SNX4: variants seen among roughly 807,000 people sequenced by gnomAD.
SNX4 encodes the protein sorting nexin 4.
Under a neutral mutation model 70.8 loss-of-function variants are expected in SNX4, and 49 were observed. The ratio of observed to expected loss-of-function variants is 0.69; its 90% CI spans 0.55 to 0.88. The LOEUF (loss-of-function observed/expected upper bound fraction) is 0.88, where lower values mean the gene tolerates loss of function less well. SNX4 is among the 40% of genes least tolerant of loss of function. The probability of loss-of-function intolerance (pLI) is 0.00; values close to 1 mark genes in which losing one functional copy is unlikely to be tolerated. For missense variants in SNX4, 528 were observed against 544.8 expected, an observed-to-expected ratio of 0.97 and a Z score of 0.31; for synonymous variants, 206 against 183.8, an observed-to-expected ratio of 1.12 and a Z score of -0.98.
chr3:125,457,457 C>T (rs1055199009), intron 10 of SNX4, 92 bp from the exon 11 acceptor site: 15 of 865,036 alleles, frequency 1.7e-5, no homozygotes, highest in Admixed American at 1.6e-4. Flanking sequence ...CACAATGTCT[C>T]GCTAGGGCAG....
chr3:125,467,695 G>A (rs1934069176), intron 9 of SNX4, among the ~76,000 whole-genome samples: 1 of 152,132 alleles, frequency 6.6e-6, no homozygotes, highest in Non-Finnish European at 1.5e-5. Context: ...TTACAGGCGT[G>A]AGCCACTGCA....
rs377668124 is a variant in SNX4, at chr3:125,480,345, C to A, written c.654-26G>T. ...CTGAAACAGGAAACAAATAAAACAT[C>A]GTTTTTCAAATGAAAACAAGCAGTC... On this transcript the variant is annotated intron_variant, in intron 6 of 13. Coordinates refer to ENST00000251775, the MANE Select transcript of SNX4 (RefSeq NM_003794.4). 5 of 1,423,588 alleles carry A rather than the reference C, an allele frequency of 3.5e-6. No individual in the cohort carries two copies. The South Asian group carries it at 4.5e-5, about 13-fold the overall frequency. 88.2% of individuals were successfully genotyped at this position (1,423,588 alleles called of 1,614,324 possible).
intron 7 of SNX4, among the ~76,000 whole-genome samples, chr3:125,477,404 G>C (rs576839110): frequency 2.6e-5 from 4 of 152,092 alleles, no homozygotes; most frequent in African/African-American, 9.7e-5. Context: ...GTACTGCCTA[G>C]CCATTCACAG....
chr3:125,500,448 A>T (rs1280367423), intron 2 of SNX4, among the ~76,000 whole-genome samples: 3 of 152,164 alleles, frequency 2.0e-5, no homozygotes, highest in African/African-American at 7.2e-5. Flanking sequence ...ATCTTAGCCC[A>T]CTAAACTATA....
intron 1 of SNX4, among the ~76,000 whole-genome samples, chr3:125,508,338 C>A (rs147577896): frequency 6.6e-6 from 1 of 152,068 alleles, no homozygotes; most frequent in Non-Finnish European, 1.5e-5. Flanking sequence ...GAGGCTGGGG[C>A]GGGCGGATCA....
chr3:125,464,508 T>TAGA (rs1273863312), intron 9 of SNX4, among the ~76,000 whole-genome samples: 1 of 151,314 alleles, frequency 6.6e-6, no homozygotes, highest in Non-Finnish European at 1.5e-5. Flanking sequence ...AAATGAGCTA[T>TAGA]AGAAGTGTGA....
chr3:125,511,125 GCTGGT>G (rs1935163938), intron 1 of SNX4, among the ~76,000 whole-genome samples: 1 of 152,090 alleles, frequency 6.6e-6, no homozygotes, highest in Non-Finnish European at 1.5e-5. Context: ...TGTTGGTCAG[GCTGGT>G]CTCGAACTCC....
chr3:125,481,011 TA>T (rs1934398448), intron 6 of SNX4, among the ~76,000 whole-genome samples: 1 of 152,138 alleles, frequency 6.6e-6, no homozygotes, highest in African/African-American at 2.4e-5. Context: ...TCTCATAGAT[TA>T]AAATACACAC....
chr3:125,498,222 A>G (rs771728521), intron 2 of SNX4, 28 bp from the exon 3 acceptor site: 5 of 1,590,410 alleles, frequency 3.1e-6, no homozygotes, highest in East Asian at 2.2e-5. Flanking sequence ...AACACTTGTT[A>G]TTTTTTATAA....
intron 12 of SNX4, among the ~76,000 whole-genome samples, chr3:125,452,001 G>A (rs1435055773): frequency 1.3e-5 from 2 of 152,150 alleles, no homozygotes; most frequent in Non-Finnish European, 2.9e-5. Flanking sequence ...GACTCCTTAA[G>A]CCAGCTCACA....
At position 125,446,698 on chromosome 3, in the gene SNX4, A is replaced by T. The variant is rs1247869757; in HGVS notation, c.*1081T>A. The T allele has an allele frequency of 6.6e-6, 1 of 152,632 alleles. No individual in the cohort carries two copies. The highest frequency in any genetic ancestry group is 1.5e-5 in the Non-Finnish European group (1 of 68,042). 9.5% of individuals were successfully genotyped at this position (152,632 alleles called of 1,614,324 possible). ...ATTGTATAAGTTTGGCAAACAGCAC[A>T]AAAATCCAGCAACATTTAAAACATA... is the stretch of plus-strand genomic sequence containing the variant. On this transcript the variant is annotated 3_prime_UTR_variant, in exon 14 of 14. Transcript: ENST00000251775.
intron 10 of SNX4, among the ~76,000 whole-genome samples, chr3:125,460,124 G>T (rs551586756): frequency 6.0e-5 from 9 of 150,938 alleles, no homozygotes; most frequent in Admixed American, 2.0e-4. Flanking sequence ...AACCCGGGAC[G>T]TGGAGGTTGC....
intron 2 of SNX4, among the ~76,000 whole-genome samples, chr3:125,499,533 T>C (rs1386022960): frequency 3.9e-5 from 6 of 152,104 alleles, no homozygotes; most frequent in East Asian, 3.8e-4. Flanking sequence ...GGCAAAAAAA[T>C]AGAATTATTA....
Position 125,504,658 on chromosome 3 carries a change from C to G in SNX4, c.228G>C (p.Met76Ile), listed in dbSNP as rs150591161. The stretch of plus-strand genomic sequence containing the variant: ...TGAGGTAAGCAGTATATGTTTCTTG[C>G]ATGTTCATGGCATTTCTTCCAGTTC... ...EKRTGRNAMN[M>I]QETYTAYLIE... The change falls in exon 2 of 14, where the codon ATG (methionine) becomes ATC (isoleucine). Residue 76 changes from methionine (M) to isoleucine (I), a missense_variant. Met to Ile is a conservative substitution (Grantham distance 10). Transcript: ENST00000251775. The G allele has an allele frequency of 2.5e-6, 4 of 1,613,986 alleles. No individual in the cohort carries two copies. In the African/African-American group the frequency reaches 5.3e-5, roughly 22 times the overall value.
chr3:125,465,489 T>G (rs934943122), intron 9 of SNX4, among the ~76,000 whole-genome samples: 1 of 152,098 alleles, frequency 6.6e-6, no homozygotes, highest in Non-Finnish European at 1.5e-5. Context: ...TCTCAGGTGA[T>G]TCACCCGCCT....
In SNX4 at chr3:125,447,936, C is replaced by A. The variant is rs956995568; in HGVS notation, c.1306-110G>T. ...TTGCTTTTTGGAATAATTAAGAAGT[C>A]GAGAAAATATGACACTATTTTGGGA... On this transcript the variant is annotated intron_variant, in intron 13 of 13. Transcript: ENST00000251775. 5 of 618,518 alleles carry A rather than the reference C, an allele frequency of 8.1e-6. No homozygotes were observed. The Admixed American group carries it at 9.7e-5, about 12-fold the overall frequency. 38.3% of individuals were successfully genotyped at this position (618,518 alleles called of 1,614,324 possible). A position where few individuals can be genotyped will look rare whatever the true frequency, so the allele number is the denominator to read the frequency against.
chr3:125,519,119 G>C (rs983282114), intron 1 of SNX4, among the ~76,000 whole-genome samples: 1 of 152,086 alleles, frequency 6.6e-6, no homozygotes, highest in Non-Finnish European at 1.5e-5. Context: ...TGAGCCTGGG[G>C]GGTCGAGGGT....
In SNX4 at chr3:125,464,564, CTTTTTTT is replaced by C. The variant is rs778518316; in HGVS notation, c.855-3711_855-3705del. Among the ~76,000 whole-genome samples the C allele has an allele frequency of 1.5e-4, 10 of 67,054 alleles. No homozygotes were observed. In the South Asian group the frequency reaches 1.8e-3, roughly 12 times the overall value. 44.0% of individuals were successfully genotyped at this position (67,054 alleles called of 152,430 possible). Reference sequence around the variant, plus strand: ...CTGTTCCATTGATCTATTTATCTTTCTTTTTTTTTTTTTTTTTTTTTTTTTTGAGACA... The same window carrying C: ...CTGTTCCATTGATCTATTTATCTTTCTTTTTTTTTTTTTTTTTTTGAGACA... On this transcript the variant is annotated intron_variant, in intron 9 of 13. Transcript: ENST00000251775.
rs1444673809 is a variant in SNX4 at position 125,460,808 on chromosome 3, G to A, written c.907C>T (p.Gln303Ter). Residue 303 changes from glutamine (Q) to a stop codon, truncating the protein, a stop_gained, in exon 10 of 14, where the codon CAG (glutamine) becomes TAG (stop). Transcript: ENST00000251775. LOFTEE classifies it high-confidence loss of function. Reference protein sequence around the residue: ...ILEDEEHYADQLKEYLFYAEA... With the variant: ...ILEDEEHYAD Reference sequence around the variant, plus strand: ...GCATAAAAAAGATACTCTTTTAACTGATCTGCATAATGTTCTTCATCTTCC... The same window carrying A: ...GCATAAAAAAGATACTCTTTTAACTAATCTGCATAATGTTCTTCATCTTCC... The A allele has an allele frequency of 6.4e-7, 1 of 1,566,100 alleles. No individual in the cohort carries two copies.
Sources: gnomAD v4.1 joint callset for allele counts (sites outside exome capture counted in the v4.1 genomes callset) on GRCh38, gnomAD v4.1.1 for gene constraint, MANE v1.5 for transcripts, NCBI Gene and HGNC (gene_info 2026-07-23, HGNC 2026-07-21) for gene names.